Variants in USP47 observed in about 807,000 individuals in gnomAD.
USP47 encodes ubiquitin carboxyl-terminal hydrolase 47.
USP47 carries 35 observed loss-of-function variants against 165.1 expected under a neutral mutation model. The ratio of observed to expected loss-of-function variants is 0.21; its 90% CI spans 0.16 to 0.28. The LOEUF (loss-of-function observed/expected upper bound fraction) is 0.28, where lower values mean the gene tolerates loss of function less well. Among genes scored for constraint, USP47 ranks in the 10% least tolerant of loss-of-function variants. The probability of loss-of-function intolerance (pLI) is 1.00; values close to 1 mark genes in which losing one functional copy is unlikely to be tolerated. For missense variants in USP47, 1,277 were observed against 1,607.4 expected (o/e 0.79, Z 3.52); for synonymous variants, 531 against 544.5 (o/e 0.98, Z 0.35).
intron 18 of USP47, 118 bp from the exon 19 acceptor site, chr11:11,940,311 T>G: frequency 9.4e-7 from 1 of 1,065,092 alleles, no homozygotes; most frequent in Non-Finnish European, 1.3e-6. Flanking sequence ...TCTACTAAAA[T>G]TATGTTTCTC....
intron 1 of USP47, chr11:11,873,850 A>G (rs1452329602): frequency 6.7e-7 from 1 of 1,489,098 alleles, no homozygotes; most frequent in Non-Finnish European, 8.9e-7. Context: ...TGAAGAAGAA[A>G]TTTTTACAGG....
chr11:11,843,546 T>C (rs184589740), intron 1 of USP47, among the ~76,000 whole-genome samples: 7 of 152,346 alleles, frequency 4.6e-5, no homozygotes, highest in East Asian at 1.9e-4. Context: ...GTAATTCTTA[T>C]GCAAGGAAGG....
intron 8 of USP47, among the ~76,000 whole-genome samples, chr11:11,915,901 A>G (rs917829034): frequency 6.6e-6 from 1 of 152,198 alleles, no homozygotes; most frequent in African/African-American, 2.4e-5. Flanking sequence ...AAATTGAAGT[A>G]TGGTGTTTTA....
rs1847261819 is a variant in USP47 at position 11,957,568 on chromosome 11, A to C, written c.*1393A>C. 1 of 152,612 alleles carries C rather than the reference A, an allele frequency of 6.6e-6. No individual in the cohort carries two copies. Among genetic ancestry groups the C allele is most frequent in the African/African-American group, 2.4e-5 (1 of 41,446 alleles). 9.5% of individuals were successfully genotyped at this position (152,612 alleles called of 1,614,324 possible). On this transcript the variant is annotated 3_prime_UTR_variant, in exon 28 of 28. Transcript: ENST00000527733. The stretch of plus-strand genomic sequence containing the variant: ...CTGTGGATGAAGAATCTGGGTTAAG[A>C]ATAGATTTGTCATCTTTAAATATGA...
chr11:11,933,061 G>A lies in USP47; in HGVS notation c.1709G>A (p.Arg570Lys). The change falls in exon 15 of 28, where the codon AGA becomes AAA. Residue 570 changes from arginine (R) to lysine (K), a missense_variant. Physicochemically the swap from Arg to Lys is conservative, Grantham distance 26 (BLOSUM62 2). Transcript: ENST00000527733. ...EHIKNLVQKERELEEQEKRQR... is the reference protein window; with the variant it reads ...EHIKNLVQKEKELEEQEKRQR... ...ATTAAAAACTTGGTGCAGAAAGAGA[G>A]AGAGTTGGAAGAACAAGAAAAGAGA... The A allele has an allele frequency of 1.2e-6, 2 of 1,613,442 alleles. No individual in the cohort carries two copies. Among genetic ancestry groups the A allele is most frequent in the Non-Finnish European group, 1.7e-6 (2 of 1,179,638 alleles).
intron 8 of USP47, among the ~76,000 whole-genome samples, chr11:11,909,403 A>G (rs957225944): frequency 2.6e-5 from 4 of 152,200 alleles, no homozygotes; most frequent in Admixed American, 1.3e-4. Flanking sequence ...ATAAGGAGAT[A>G]GTTCTAAGTA....
chr11:11,948,126 T>TTAAAA lies in USP47; in HGVS notation c.3267+10_3267+14dup. ...CATTTTCTGATGACAATAAGGTTGA[T>TTAAAA]TAAAATAATCTTCGAGTAGTTAGAG... On this transcript the variant is annotated splice_region_variant and intron_variant, in intron 21 of 27. Coordinates refer to ENST00000527733, the MANE Select transcript of USP47 (RefSeq NM_001282659.2). The TTAAAA allele has an allele frequency of 1.2e-6, 2 of 1,600,302 alleles. No individual in the cohort carries two copies. The highest frequency in any genetic ancestry group is 1.7e-6 in the Non-Finnish European group (2 of 1,175,634).
At chr11:11,886,700 T>A (rs1044826437) in intron 3 of USP47, among the ~76,000 whole-genome samples, 5 of 152,190 alleles carry the variant, frequency 3.3e-5, no homozygotes, top group Non-Finnish European at 7.4e-5. Flanking sequence ...ACTTTCCTAA[T>A]CTAGCAAGAC....
chr11:11,926,246 A>C (rs891462400), intron 11 of USP47, among the ~76,000 whole-genome samples: 3 of 152,176 alleles, frequency 2.0e-5, no homozygotes, highest in Non-Finnish European at 1.5e-5. Flanking sequence ...AGAAAGTTTG[A>C]GAAGGATTCG....
rs1040049308 is a variant in USP47, at chr11:11,905,561, C to G, written c.969+13C>G. ...ATTTGCTAGTGTGGTGTGTACCTTTCACCTGACTGCTTGTGTATCCTTACA... is the reference window on the plus strand; with the variant it reads ...ATTTGCTAGTGTGGTGTGTACCTTTGACCTGACTGCTTGTGTATCCTTACA... On this transcript the variant is annotated intron_variant, in intron 8 of 27. Transcript: ENST00000527733. The G allele has an allele frequency of 5.0e-6, 8 of 1,587,930 alleles. No individual in the cohort carries two copies. The highest frequency in any genetic ancestry group is 6.9e-6 in the Non-Finnish European group (8 of 1,163,312).
At chr11:11,845,883 T>C (rs1004100599) in intron 1 of USP47, among the ~76,000 whole-genome samples, 2 of 152,212 alleles carry the variant, frequency 1.3e-5, no homozygotes, top group Non-Finnish European at 2.9e-5. Context: ...CTGCCATCTT[T>C]TGATAGTTGC....
chr11:11,903,795 T>C (rs1175780620), intron 7 of USP47, among the ~76,000 whole-genome samples: 2 of 152,182 alleles, frequency 1.3e-5, no homozygotes, highest in African/African-American at 4.8e-5. Flanking sequence ...TCTAACCCGA[T>C]TCTTATGTAA....
intron 1 of USP47, among the ~76,000 whole-genome samples, chr11:11,845,739 G>C (rs1056360174): frequency 6.6e-6 from 1 of 152,130 alleles, no homozygotes; most frequent in Non-Finnish European, 1.5e-5. Flanking sequence ...GTTTTCCACA[G>C]CATCATTGGC....
At position 11,930,889 on chromosome 11, in the gene USP47, CTG is replaced by C; in HGVS notation, c.1651+140_1651+141del. 7.9e-6 allele frequency: 5 copies of C among 631,800 alleles called. No individual in the cohort carries two copies. The South Asian group carries it at 1.2e-4, about 15-fold the overall frequency. The allele number at this position is 631,800 out of a possible 1,614,324, so 39.1% of individuals were successfully genotyped here. Reference sequence around the variant, plus strand: ...TGCCTGGAAGAATTATTTACAAAGACTGTTACAAAATAATACCAAATGTTAAG... The same window carrying C: ...TGCCTGGAAGAATTATTTACAAAGACTTACAAAATAATACCAAATGTTAAG... On this transcript the variant is annotated intron_variant, in intron 14 of 27. Transcript: ENST00000527733.
intron 1 of USP47, among the ~76,000 whole-genome samples, chr11:11,858,282 C>T (rs921954582): frequency 2.6e-5 from 4 of 152,006 alleles, no homozygotes; most frequent in Admixed American, 2.0e-4. Context: ...TCCATTTTCT[C>T]GGTAAGAAAA....
intron 1 of USP47, among the ~76,000 whole-genome samples, chr11:11,853,743 A>G (rs540341525): frequency 1.3e-5 from 2 of 152,352 alleles, no homozygotes; most frequent in South Asian, 2.1e-4. Context: ...TGTTATTGAT[A>G]TAACCTGCTG....
At chr11:11,945,440 A>G (rs1393954136) in intron 20 of USP47, among the ~76,000 whole-genome samples, 2 of 152,202 alleles carry the variant, frequency 1.3e-5, no homozygotes, top group East Asian at 1.9e-4. Flanking sequence ...CTGTACTTAA[A>G]ATGATGGTCC....
intron 3 of USP47, among the ~76,000 whole-genome samples, chr11:11,887,578 GT>G (rs1851243401): frequency 6.6e-6 from 1 of 152,118 alleles, no homozygotes; most frequent in East Asian, 1.9e-4. Flanking sequence ...CATAAAGCAA[GT>G]TCTTAGAGAC....
At chr11:11,900,330 T>C (rs983649318) in intron 5 of USP47, among the ~76,000 whole-genome samples, 1 of 151,878 alleles carries the variant, frequency 6.6e-6, no homozygotes, top group Non-Finnish European at 1.5e-5. Context: ...CAGGCTAATT[T>C]TTTGTATTTT....
Sources: allele counts gnomAD v4.1 joint callset (sites outside exome capture counted in the v4.1 genomes callset), GRCh38; gene constraint gnomAD v4.1.1; transcripts MANE v1.5; gene names NCBI Gene and HGNC (gene_info 2026-07-23, HGNC 2026-07-21).